Variants in C16orf78 observed in about 807,000 individuals in gnomAD.
The protein encoded by C16orf78 is uncharacterized protein C16orf78.
In C16orf78, 19 loss-of-function variants were observed where a neutral mutation model predicts 27.3. The ratio of observed to expected loss-of-function variants is 0.70; its 90% CI spans 0.49 to 1.02. The LOEUF (loss-of-function observed/expected upper bound fraction) is 1.02, where lower values mean the gene tolerates loss of function less well. Ranked by LOEUF, C16orf78 falls within the 50% of genes least tolerant of loss-of-function variation. C16orf78 has a pLI of 0.00. For missense variants in C16orf78, 339 were observed against 337.0 expected, an observed-to-expected ratio of 1.01 and a Z score of -0.05; for synonymous variants, 130 against 116.1, an observed-to-expected ratio of 1.12 and a Z score of -0.77.
chr16:49,385,791 GAGAAAAAA>G (rs764308166), intron 3 of C16orf78, among the ~76,000 whole-genome samples: 4 of 151,642 alleles, frequency 2.6e-5, no homozygotes, highest in Middle Eastern at 3.2e-3. Context: ...GACATCAAGA[GAGAAAAAA>G]AGAAACAAAG....
At chr16:49,391,743 A>G (rs527685816) in intron 3 of C16orf78, among the ~76,000 whole-genome samples, 2 of 152,284 alleles carry the variant, frequency 1.3e-5, no homozygotes, top group East Asian at 3.9e-4. Context: ...ATTACTTTTT[A>G]TATTGCTATC....
At chr16:49,376,095 G>A (rs918092255) in intron 1 of C16orf78, among the ~76,000 whole-genome samples, 7 of 152,186 alleles carry the variant, frequency 4.6e-5, no homozygotes, top group Non-Finnish European at 8.8e-5. Context: ...GATGTGTGCT[G>A]GCAGGTCTCC....
chr16:49,390,288 AT>A (rs1965396801), intron 3 of C16orf78, among the ~76,000 whole-genome samples: 2 of 152,134 alleles, frequency 1.3e-5, no homozygotes, highest in African/African-American at 4.8e-5. Context: ...AATTTGACAA[AT>A]TTTTGGACAT....
At chr16:49,380,401 A>G (rs1013347329) in intron 3 of C16orf78, among the ~76,000 whole-genome samples, 9 of 152,196 alleles carry the variant, frequency 5.9e-5, no homozygotes, top group Non-Finnish European at 1.2e-4. Flanking sequence ...AGATTGCCTT[A>G]TGCCTTATGG....
intron 1 of C16orf78, among the ~76,000 whole-genome samples, chr16:49,377,341 A>G (rs1451255365): frequency 7.2e-5 from 11 of 152,160 alleles, no homozygotes; most frequent in Admixed American, 7.2e-4. Flanking sequence ...GCACCTGTTC[A>G]AAGTCAGGGC....
chr16:49,396,590 C>A lies in C16orf78; in HGVS notation c.562C>A (p.Arg188Ser), dbSNP rs140378939. 1.2e-6 allele frequency: 2 copies of A among 1,614,132 alleles called. No homozygotes were observed. Among genetic ancestry groups the A allele is most frequent in the Non-Finnish European group, 1.7e-6 (2 of 1,180,018 alleles). ...CAAGATGCCTGACATGGCTTACGAA[C>A]GCAAGCTAAAGAGCCTCATGGAGAA... The part of the protein sequence containing the change: ...SNKMPDMAYE[R>S]KLKSLMEKST... Residue 188 changes from arginine (R) to serine (S), a missense_variant, in exon 4 of 5, where the codon CGC becomes AGC. By Grantham distance (110) the Arg-to-Ser change is moderately radical. Transcript: ENST00000299191.
chr16:49,374,979 A>G (rs1215864636), intron 1 of C16orf78, among the ~76,000 whole-genome samples: 1 of 152,198 alleles, frequency 6.6e-6, no homozygotes, highest in African/African-American at 2.4e-5. Flanking sequence ...AATGCTCAAC[A>G]CATCACTAAC....
chr16:49,396,372 C>CTCTCACG, intron 3 of C16orf78, 51 bp from the exon 4 acceptor site: 1 of 1,595,692 alleles, frequency 6.3e-7, no homozygotes, highest in Non-Finnish European at 8.6e-7. Flanking sequence ...CCTACCCCAC[C>CTCTCACG]TCTCACGTCT....
At chr16:49,392,191 G>T (rs1965420550) in intron 3 of C16orf78, among the ~76,000 whole-genome samples, 1 of 152,150 alleles carries the variant, frequency 6.6e-6, no homozygotes, top group African/African-American at 2.4e-5. Flanking sequence ...AAAAAAATCA[G>T]CCTGCCATCA....
Position 49,399,222 on chromosome 16 carries a change from G to A in C16orf78, c.742G>A (p.Glu248Lys), listed in dbSNP as rs1965511797. Residue 248 changes from glutamate (E) to lysine (K), a missense_variant, in exon 5 of 5, where the codon GAA (glutamate) becomes AAA (lysine). Physicochemically the swap from Glu to Lys is moderately conservative, Grantham distance 56 (BLOSUM62 1). Coordinates refer to ENST00000299191, the MANE Select transcript of C16orf78 (RefSeq NM_144602.4). Reference sequence around the variant, plus strand: ...TGTGGATATCCACCCCCACATGGTCGAAGAGGACATAGATGCTAAAAAGGT... The same window carrying A: ...TGTGGATATCCACCCCCACATGGTCAAAGAGGACATAGATGCTAAAAAGGT... ...MNVDIHPHMV[E>K]EDIDAKKVFT... The A allele has an allele frequency of 9.9e-6, 16 of 1,614,138 alleles. No individual in the cohort carries two copies. Among genetic ancestry groups the A allele is most frequent in the African/African-American group, 2.7e-5 (2 of 75,028 alleles).
At chr16:49,394,358 C>T (rs1965446808) in intron 3 of C16orf78, among the ~76,000 whole-genome samples, 1 of 151,818 alleles carries the variant, frequency 6.6e-6, no homozygotes, top group South Asian at 2.1e-4. Flanking sequence ...AAATGAATTC[C>T]ACCATGAACA....
intron 3 of C16orf78, among the ~76,000 whole-genome samples, chr16:49,392,837 A>G (rs2151615454): frequency 6.6e-6 from 1 of 152,292 alleles, no homozygotes; most frequent in Middle Eastern, 3.4e-3. Context: ...CCCCACCCAA[A>G]CCTCATCTTG....
intron 3 of C16orf78, among the ~76,000 whole-genome samples, chr16:49,389,251 C>T (rs913843210): frequency 2.0e-5 from 3 of 152,010 alleles, no homozygotes; most frequent in Admixed American, 6.6e-5. Context: ...GGCAAAACCC[C>T]GTCTCTACTA....
At position 49,373,816 on chromosome 16, in the gene C16orf78, A is replaced by T. The variant is rs558403078; in HGVS notation, c.-124A>T. 1,234 of 1,197,336 alleles carry T rather than the reference A, an allele frequency of 1.0e-3. No individual in the cohort carries two copies. Among genetic ancestry groups the T allele is most frequent in the Non-Finnish European group, 1.4e-3 (1,162 of 850,376 alleles). 74.2% of individuals were successfully genotyped at this position (1,197,336 alleles called of 1,614,324 possible). ...AGGGTCTTGGCTCACTCTGCCCTTT[A>T]TGTTCACATCTGGAGGCCACACCCT... On this transcript the variant is annotated 5_prime_UTR_variant, in exon 1 of 5. An upstream start codon of the reference 5' UTR is lost. Transcript: ENST00000299191.
At chr16:49,385,574 G>C (rs1009318407) in intron 3 of C16orf78, among the ~76,000 whole-genome samples, 2 of 151,224 alleles carry the variant, frequency 1.3e-5, no homozygotes, top group Non-Finnish European at 2.9e-5. Context: ...AGAATTACTT[G>C]AACCTGGGAG....
chr16:49,382,272 G>C (rs544329956), intron 3 of C16orf78, among the ~76,000 whole-genome samples: 1 of 152,220 alleles, frequency 6.6e-6, no homozygotes, highest in East Asian at 1.9e-4. Flanking sequence ...TGTGGGGTGG[G>C]GGGAGTGGAG....
chr16:49,382,165 C>G (rs1362448662), intron 3 of C16orf78, among the ~76,000 whole-genome samples: 2 of 151,892 alleles, frequency 1.3e-5, no homozygotes, highest in African/African-American at 2.4e-5. Context: ...ATCGCAAGAA[C>G]AAAAAACCAA....
At chr16:49,397,771 T>A (rs1165217548) in intron 4 of C16orf78, among the ~76,000 whole-genome samples, 1 of 152,032 alleles carries the variant, frequency 6.6e-6, no homozygotes, top group East Asian at 1.9e-4. Flanking sequence ...CAGAGTGGGA[T>A]TTATTATTAT....
chr16:49,397,648 G>C (rs539638087), intron 4 of C16orf78, among the ~76,000 whole-genome samples: 2 of 152,310 alleles, frequency 1.3e-5, no homozygotes, highest in East Asian at 1.9e-4. Context: ...GTTCCATGGT[G>C]GGGGGAAAGA....
Sources: gnomAD v4.1 joint callset for allele counts (sites outside exome capture counted in the v4.1 genomes callset) on GRCh38, gnomAD v4.1.1 for gene constraint, MANE v1.5 for transcripts, NCBI Gene and HGNC (gene_info 2026-07-23, HGNC 2026-07-21) for gene names.